Variants in TMEM117 observed in about 807,000 individuals in gnomAD.
TMEM117 encodes the protein transmembrane protein 117.
Under a neutral mutation model 52.4 loss-of-function variants are expected in TMEM117, and 27 were observed. The ratio of observed to expected loss-of-function variants is 0.51; its 90% CI spans 0.38 to 0.71. The LOEUF is 0.71. Among genes scored for constraint, TMEM117 ranks in the 30% least tolerant of loss-of-function variants. TMEM117 has a pLI of 0.00. For synonymous variants in TMEM117, 215 were observed against 206.3 expected (o/e 1.04, Z -0.36); for missense variants, 556 against 630.5 (o/e 0.88, Z 1.26).
intron 6 of TMEM117, among the ~76,000 whole-genome samples, chr12:44,309,789 AAAAC>A (rs944530535): frequency 7.2e-5 from 11 of 152,244 alleles, no homozygotes; most frequent in African/African-American, 2.6e-4. Flanking sequence ...AAAAAAAAAA[AAAAC>A]AGATCTGTCT....
chr12:44,083,939 T>A (rs2138021556), intron 3 of TMEM117, among the ~76,000 whole-genome samples: 1 of 152,304 alleles, frequency 6.6e-6, no homozygotes, highest in East Asian at 1.9e-4. Flanking sequence ...CTAAATTAAA[T>A]TCAGTTTCCT....
chr12:43,875,349 G>A (rs1592325278), intron 2 of TMEM117, among the ~76,000 whole-genome samples: 1 of 152,204 alleles, frequency 6.6e-6, no homozygotes, highest in Non-Finnish European at 1.5e-5. Flanking sequence ...AGATCCAGTA[G>A]CTGAATGTCA....
At chr12:44,194,160 G>C (rs1592596143) in intron 4 of TMEM117, among the ~76,000 whole-genome samples, 1 of 152,202 alleles carries the variant, frequency 6.6e-6, no homozygotes, top group African/African-American at 2.4e-5. Context: ...GAAAAGTTCA[G>C]TTGTGGGTTA....
At chr12:43,897,884 A>G (rs922267189) in intron 2 of TMEM117, among the ~76,000 whole-genome samples, 1 of 152,036 alleles carries the variant, frequency 6.6e-6, no homozygotes, top group Non-Finnish European at 1.5e-5. Flanking sequence ...AAATGCTGGG[A>G]TTACAGGCAT....
chr12:44,365,351 T>C (rs1372097974), intron 6 of TMEM117, among the ~76,000 whole-genome samples: 1 of 151,970 alleles, frequency 6.6e-6, no homozygotes, highest in Non-Finnish European at 1.5e-5. Flanking sequence ...AGTCAACCTT[T>C]CATTACAGAT....
chr12:43,997,876 T>G (rs1195650556), intron 3 of TMEM117, among the ~76,000 whole-genome samples: 1 of 152,220 alleles, frequency 6.6e-6, no homozygotes, highest in African/African-American at 2.4e-5. Flanking sequence ...CAAGATCACA[T>G]ACCTAGTAAG....
intron 5 of TMEM117, among the ~76,000 whole-genome samples, chr12:44,243,491 T>A (rs1040770754): frequency 3.3e-5 from 5 of 151,924 alleles, no homozygotes; most frequent in Non-Finnish European, 5.9e-5. Context: ...TATCCTTTTT[T>A]AAAATTTAAT....
At chr12:44,228,441 A>T (rs968148708) in intron 5 of TMEM117, among the ~76,000 whole-genome samples, 3 of 151,954 alleles carry the variant, frequency 2.0e-5, no homozygotes, top group African/African-American at 7.2e-5. Flanking sequence ...TGGAAAAAAC[A>T]GATAAAGTAC....
intron 2 of TMEM117, among the ~76,000 whole-genome samples, chr12:43,862,607 G>A (rs1259746437): frequency 6.6e-6 from 1 of 152,206 alleles, no homozygotes; most frequent in Non-Finnish European, 1.5e-5. Flanking sequence ...AGAAAAAGAA[G>A]TACTTCTAGC....
the TMEM117 span, among the ~76,000 whole-genome samples, chr12:44,398,496 GTTTTGGGCAGGGTA>G: frequency 6.6e-6 from 1 of 152,196 alleles, no homozygotes; most frequent in Non-Finnish European, 1.5e-5. Flanking sequence ...ATGGTCTCGG[GTTTTGGGCAGGGTA>G]CCGGTAGAAA....
chr12:44,398,110 T>A, the TMEM117 span, among the ~76,000 whole-genome samples: 1 of 94,772 alleles, frequency 1.1e-5, no homozygotes, highest in Non-Finnish European at 1.8e-5. Context: ...TTTGTTTTGG[T>A]TTTTTTTTTA....
At chr12:44,319,084 T>C (rs12315483) in intron 6 of TMEM117, among the ~76,000 whole-genome samples, 5,838 of 152,246 alleles carry the variant, frequency 0.038, 375 homozygotes, top group African/African-American at 0.13. Flanking sequence ...ACTGGGGCAC[T>C]GTCCACACGC....
At chr12:44,278,313 A>G (rs1400200400) in intron 5 of TMEM117, among the ~76,000 whole-genome samples, 2 of 152,188 alleles carry the variant, frequency 1.3e-5, no homozygotes, top group African/African-American at 4.8e-5. Context: ...ACTAAAAAGT[A>G]CTAGTATCTG....
intron 4 of TMEM117, among the ~76,000 whole-genome samples, chr12:44,176,011 G>A (rs995677112): frequency 6.6e-6 from 1 of 152,106 alleles, no homozygotes; most frequent in Non-Finnish European, 1.5e-5. Flanking sequence ...CAAGAAGTTT[G>A]TAATGGAAGA....
At chr12:44,381,874 CCA>C (rs2138862802) in intron 7 of TMEM117, among the ~76,000 whole-genome samples, 1 of 152,056 alleles carries the variant, frequency 6.6e-6, no homozygotes, top group African/African-American at 2.4e-5. Flanking sequence ...GAGGGGACAG[CCA>C]GTGGTTCCTC....
At chr12:43,796,954 G>T in the TMEM117 span, 2 of 1,603,412 alleles carry the variant, frequency 1.2e-6, no homozygotes, top group South Asian at 1.1e-5. Flanking sequence ...AAAAACTGAA[G>T]ATTTTAAAAT....
intron 7 of TMEM117, among the ~76,000 whole-genome samples, chr12:44,381,811 CTG>C (rs1317935289): frequency 6.6e-6 from 1 of 151,908 alleles, no homozygotes; most frequent in Non-Finnish European, 1.5e-5. Context: ...TTCCCAGAGA[CTG>C]TTTTTTTTTA....
intron 2 of TMEM117, among the ~76,000 whole-genome samples, chr12:43,845,589 A>G (rs563267860): frequency 2.6e-5 from 4 of 152,042 alleles, no homozygotes; most frequent in African/African-American, 9.6e-5. Context: ...CAGGTGCACA[A>G]TGTGCAGGTT....
At chr12:43,917,129 A>G (rs1390571555) in intron 2 of TMEM117, among the ~76,000 whole-genome samples, 1 of 118,822 alleles carries the variant, frequency 8.4e-6, no homozygotes, top group Admixed American at 9.7e-5. Flanking sequence ...AGAGTGGCTC[A>G]TGCCTATAAT....
Sources: allele counts gnomAD v4.1 joint callset (sites outside exome capture counted in the v4.1 genomes callset), GRCh38; gene constraint gnomAD v4.1.1; transcripts MANE v1.5; gene names NCBI Gene and HGNC (gene_info 2026-07-23, HGNC 2026-07-21).